Variants in NLGN1 observed in about 807,000 individuals in gnomAD.
The protein encoded by NLGN1 is neuroligin 1, also known as neuroligin-1.
Under a neutral mutation model 65.5 loss-of-function variants are expected in NLGN1, and 12 were observed. The observed-to-expected ratio is 0.18, with a 90% CI of 0.12 to 0.30. The LOEUF is 0.30. NLGN1 is among the 10% of genes least tolerant of loss of function. The pLI, the probability that NLGN1 is intolerant of heterozygous loss-of-function variation, is 1.00. For synonymous variants in NLGN1, 350 were observed against 359.5 expected (o/e 0.97, Z 0.30); for missense variants, 750 against 1,007.1 (o/e 0.74, Z 3.46).
chr3:173,861,522 G>A (rs1297183977), intron 4 of NLGN1, among the ~76,000 whole-genome samples: 4 of 60,722 alleles, frequency 6.6e-5, no homozygotes, highest in African/African-American at 4.9e-4. Context: ...GCACGTGTGT[G>A]TGTGTGTGTG....
intron 4 of NLGN1, among the ~76,000 whole-genome samples, chr3:174,157,542 C>T (rs1161343844): frequency 6.6e-6 from 1 of 151,484 alleles, no homozygotes; most frequent in African/African-American, 2.4e-5. Context: ...CCCCCCTCCA[C>T]CCAAAAAGAC....
chr3:173,704,627 G>A (rs959148), intron 3 of NLGN1, among the ~76,000 whole-genome samples: 79,102 of 151,830 alleles, frequency 0.52, 21,214 homozygotes, highest in East Asian at 0.73. Flanking sequence ...AAATTGGCTG[G>A]ATTATTTTGG....
intron 3 of NLGN1, among the ~76,000 whole-genome samples, chr3:173,688,755 T>A (rs559865438): frequency 5.6e-4 from 86 of 152,304 alleles, no homozygotes; most frequent in African/African-American, 2.0e-3. Flanking sequence ...AGGTATAATA[T>A]GATAAAATAG....
chr3:174,181,508 G>C (rs1274858832), intron 4 of NLGN1, among the ~76,000 whole-genome samples: 1 of 152,056 alleles, frequency 6.6e-6, no homozygotes, highest in East Asian at 1.9e-4. Context: ...TCCTCCTTTA[G>C]ACTATAATCT....
chr3:174,167,599 T>A (rs1221022446), intron 4 of NLGN1, among the ~76,000 whole-genome samples: 3 of 150,778 alleles, frequency 2.0e-5, no homozygotes, highest in Non-Finnish European at 4.4e-5. Context: ...CCCCCTTTTT[T>A]TTTTTTTTTT....
chr3:173,408,048 A>G (rs533099812), intron 1 of NLGN1, among the ~76,000 whole-genome samples: 1 of 152,288 alleles, frequency 6.6e-6, no homozygotes, highest in South Asian at 2.1e-4. Flanking sequence ...CCTGTCATCA[A>G]ATGAGAAGAT....
intron 4 of NLGN1, among the ~76,000 whole-genome samples, chr3:173,897,813 A>G (rs1736595475): frequency 1.3e-5 from 2 of 152,182 alleles, no homozygotes; most frequent in Admixed American, 1.3e-4. Flanking sequence ...TCTCCTTGTC[A>G]TGAACATCTA....
At chr3:173,521,183 C>A (rs1392774251) in intron 2 of NLGN1, among the ~76,000 whole-genome samples, 1 of 152,098 alleles carries the variant, frequency 6.6e-6, no homozygotes, top group Non-Finnish European at 1.5e-5. Flanking sequence ...GAATGCATGG[C>A]AGACAACATA....
intron 4 of NLGN1, among the ~76,000 whole-genome samples, chr3:174,137,042 C>A (rs1721351010): frequency 6.6e-6 from 1 of 152,006 alleles, no homozygotes; most frequent in African/African-American, 2.4e-5. Context: ...TAACAAAAAG[C>A]CTATATATAT....
chr3:173,822,113 C>T (rs1350381481), intron 4 of NLGN1, among the ~76,000 whole-genome samples: 3 of 152,080 alleles, frequency 2.0e-5, no homozygotes, highest in Admixed American at 2.0e-4. Context: ...AGAAATTTCT[C>T]CTGTGGGACT....
chr3:174,268,559 T>C (rs1481825220), intron 4 of NLGN1, among the ~76,000 whole-genome samples: 1 of 152,012 alleles, frequency 6.6e-6, no homozygotes, highest in Non-Finnish European at 1.5e-5. Context: ...CAACCTAAAT[T>C]GGGAAGAAAT....
At chr3:173,487,211 C>CT (rs1728309165) in intron 2 of NLGN1, among the ~76,000 whole-genome samples, 1 of 151,998 alleles carries the variant, frequency 6.6e-6, no homozygotes, top group Non-Finnish European at 1.5e-5. Context: ...ATATGGTGTT[C>CT]TCACCACGTC....
intron 2 of NLGN1, among the ~76,000 whole-genome samples, chr3:173,515,561 T>G (rs1171851930): frequency 1.3e-5 from 2 of 152,108 alleles, no homozygotes; most frequent in Non-Finnish European, 2.9e-5. Context: ...AAATCATTGC[T>G]AAAACCAACG....
chr3:173,640,434 CTATT>C (rs997177685), intron 3 of NLGN1, among the ~76,000 whole-genome samples: 1 of 152,108 alleles, frequency 6.6e-6, no homozygotes, highest in East Asian at 1.9e-4. Flanking sequence ...TTTTATCTAT[CTATT>C]GACAACGTTT....
At chr3:173,403,660 A>G (rs1718118661) in intron 1 of NLGN1, among the ~76,000 whole-genome samples, 1 of 152,150 alleles carries the variant, frequency 6.6e-6, no homozygotes. Context: ...ATGGAAGCTC[A>G]GAGCCAATTT....
intron 5 of NLGN1, 107 bp downstream of exon 5, chr3:174,275,634 T>G: frequency 1.5e-6 from 1 of 685,600 alleles, no homozygotes; most frequent in Non-Finnish European, 2.5e-6. Context: ...AGTGTTAGGT[T>G]GAACTCAATA....
intron 2 of NLGN1, among the ~76,000 whole-genome samples, chr3:173,581,109 T>C (rs182319309): frequency 2.2e-4 from 33 of 152,152 alleles, no homozygotes; most frequent in Non-Finnish European, 4.1e-4. Flanking sequence ...TTTTGGTTAT[T>C]TCCAGGAAAT....
intron 4 of NLGN1, among the ~76,000 whole-genome samples, chr3:174,139,083 G>T (rs1721793263): frequency 6.6e-6 from 1 of 151,646 alleles, no homozygotes; most frequent in South Asian, 2.1e-4. Context: ...TAAGTATATT[G>T]CACATCTTGC....
chr3:174,003,944 G>A (rs1723841820), intron 4 of NLGN1, among the ~76,000 whole-genome samples: 1 of 152,146 alleles, frequency 6.6e-6, no homozygotes, highest in South Asian at 2.1e-4. Context: ...CTCTATAGTG[G>A]TATCTATTTT....
Sources: allele counts gnomAD v4.1 joint callset (sites outside exome capture counted in the v4.1 genomes callset), GRCh38; gene constraint gnomAD v4.1.1; transcripts MANE v1.5; gene names NCBI Gene and HGNC (gene_info 2026-07-23, HGNC 2026-07-21).